RARB: variants seen among roughly 807,000 people sequenced by gnomAD.
The protein encoded by RARB is retinoic acid receptor beta.
Under a neutral mutation model 51.9 loss-of-function variants are expected in RARB, and 17 were observed. That is an observed-to-expected ratio of 0.33 (90% CI 0.22 to 0.49). The LOEUF (loss-of-function observed/expected upper bound fraction) is 0.49. RARB is among the 20% of genes least tolerant of loss of function. RARB has a pLI of 0.99. For missense variants in RARB, 369 were observed against 550.8 expected, an observed-to-expected ratio of 0.67 and a Z score of 3.30; for synonymous variants, 215 against 195.4, an observed-to-expected ratio of 1.10 and a Z score of -0.84.
intron 3 of RARB, among the ~76,000 whole-genome samples, chr3:25,526,321 C>T (rs1286757): frequency 0.52 from 79,639 of 151,980 alleles, 22,557 homozygotes; most frequent in African/African-American, 0.74. Flanking sequence ...TGTAGCCCAC[C>T]TGAAGGAGTT....
chr3:25,471,496 A>G (rs1695690885), intron 2 of RARB, among the ~76,000 whole-genome samples: 1 of 151,816 alleles, frequency 6.6e-6, no homozygotes, highest in Admixed American at 6.6e-5. Context: ...GGATTGAAAA[A>G]GCAGAAAAAT....
At chr3:25,329,899 G>A (rs1194044323) in intron 5 of RARB, among the ~76,000 whole-genome samples, 1 of 152,054 alleles carries the variant, frequency 6.6e-6, no homozygotes, top group Non-Finnish European at 1.5e-5. Flanking sequence ...TCAATCAAGT[G>A]GAAGAAAGGG....
rs149410458 is a variant in RARB at position 24,998,719 on chromosome 3, T to G, written c.-379-61406T>G. Reference sequence around the variant, plus strand: ...TCTTCTAGGGATTTTCCTTTTTTCTTTCTCAGAAACTCAGCTAGTTCTTAC... The same window carrying G: ...TCTTCTAGGGATTTTCCTTTTTTCTGTCTCAGAAACTCAGCTAGTTCTTAC... On this transcript the variant is annotated intron_variant, in intron 2 of 11. Coordinates refer to the RARB transcript ENST00000383772. Among the ~76,000 whole-genome samples the G allele has an allele frequency of 6.5e-3, 987 of 152,236 alleles. 9 individuals carry two copies. The highest frequency in any genetic ancestry group is 0.023 in the African/African-American group (944 of 41,522).
chr3:25,403,275 G>A (rs920004456), intron 5 of RARB, among the ~76,000 whole-genome samples: 1 of 151,942 alleles, frequency 6.6e-6, no homozygotes, highest in Admixed American at 6.6e-5. Flanking sequence ...TGGATTGTTT[G>A]TAACACTAAT....
rs764644437 is a variant in RARB at position 25,200,016 on chromosome 3, A to G, written c.178+25441A>G. Reference sequence around the variant, plus strand: ...TCTAGTTCTAGATCCCTGAGGAATCACCACACTGTCTTCCACAATGGTTGA... The same window carrying G: ...TCTAGTTCTAGATCCCTGAGGAATCGCCACACTGTCTTCCACAATGGTTGA... On this transcript the variant is annotated intron_variant, in intron 5 of 11. Transcript: ENST00000383772. Among the ~76,000 whole-genome samples, 141 of 152,156 alleles carry G rather than the reference A, an allele frequency of 9.3e-4. 2 individuals carry two copies. Among genetic ancestry groups the G allele is most frequent in the Non-Finnish European group, 3.4e-4 (23 of 68,022 alleles).
chr3:25,455,498 C>T (rs867227016), intron 1 of RARB, among the ~76,000 whole-genome samples: 1 of 152,200 alleles, frequency 6.6e-6, no homozygotes, highest in Admixed American at 6.5e-5. Flanking sequence ...GAAGGGGATT[C>T]TAGCTTTGTT....
At chr3:25,322,463 C>G (rs1459923016) in intron 5 of RARB, among the ~76,000 whole-genome samples, 1 of 152,080 alleles carries the variant, frequency 6.6e-6, no homozygotes, top group Non-Finnish European at 1.5e-5. Context: ...TTCTTACTGG[C>G]CAAGTACATT....
At chr3:25,382,635 CA>C (rs1313259935) in intron 5 of RARB, among the ~76,000 whole-genome samples, 2 of 152,204 alleles carry the variant, frequency 1.3e-5, no homozygotes, top group Admixed American at 1.3e-4. Flanking sequence ...GCAGGCGGAT[CA>C]CCTGAGGTCA....
Position 25,044,406 on chromosome 3 carries a change from C to G in RARB, c.-379-15719C>G, listed in dbSNP as rs1019097427. 1.2e-4 allele frequency among the ~76,000 whole-genome samples: 18 copies of G among 152,084 alleles called. 2 individuals are homozygous for G. The highest frequency in any genetic ancestry group is 7.2e-5 in the African/African-American group (3 of 41,398). ...GCACTCTACCAAATGTATCCAGACC[C>G]TTCATTAATATGTGTTAAATTGTTG... On this transcript the variant is annotated intron_variant, in intron 2 of 11. Coordinates refer to the RARB transcript ENST00000383772.
At position 25,597,349 on chromosome 3, in the gene RARB, T is replaced by C. The variant is rs534911648; in HGVS notation, c.*733T>C. On this transcript the variant is annotated 3_prime_UTR_variant, in exon 8 of 8. Transcript: ENST00000330688. The stretch of plus-strand genomic sequence containing the variant: ...AGTTAATCAAATGTCATTTGTTCAA[T>C]TGTTAATGTCACTTTAAATTAAAAG... 3.9e-5 allele frequency: 6 copies of C among 152,730 alleles called. No homozygotes were observed. The East Asian group carries it at 5.8e-4, about 15-fold the overall frequency. The allele number at this position is 152,730 out of a possible 1,614,324, so 9.5% of individuals were successfully genotyped here. A position where few individuals can be genotyped will look rare whatever the true frequency, so the allele number is the denominator to read the frequency against.
intron 2 of RARB, among the ~76,000 whole-genome samples, chr3:24,914,964 C>T (rs1695074550): frequency 6.6e-6 from 1 of 152,162 alleles, no homozygotes; most frequent in Admixed American, 6.5e-5. Context: ...CTTGACTTTG[C>T]AGGATGGACC....
intron 2 of RARB, among the ~76,000 whole-genome samples, chr3:25,007,274 G>C (rs992512952): frequency 1.3e-5 from 2 of 152,090 alleles, no homozygotes; most frequent in African/African-American, 2.4e-5. Flanking sequence ...CATCATTGAG[G>C]AGTACCTAAT....
intron 5 of RARB, among the ~76,000 whole-genome samples, chr3:25,390,146 G>A (rs1217282328): frequency 6.6e-6 from 1 of 152,138 alleles, no homozygotes; most frequent in Admixed American, 6.5e-5. Context: ...CTTTTAGGAG[G>A]TGTTTAGATT....
chr3:24,925,621 G>T (rs1262442761), intron 2 of RARB, among the ~76,000 whole-genome samples: 1 of 148,044 alleles, frequency 6.8e-6, no homozygotes, highest in African/African-American at 2.5e-5. Context: ...ACTCTGGCCT[G>T]GGTGACAGAG....
At chr3:25,160,924 T>C (rs148340221) in intron 4 of RARB, among the ~76,000 whole-genome samples, 25 of 152,248 alleles carry the variant, frequency 1.6e-4, no homozygotes, top group African/African-American at 6.0e-4. Flanking sequence ...TCCTCTTCTA[T>C]AATCAAATCT....
intron 5 of RARB, among the ~76,000 whole-genome samples, chr3:25,332,423 A>C (rs1179114415): frequency 6.6e-6 from 1 of 152,202 alleles, no homozygotes; most frequent in Non-Finnish European, 1.5e-5. Flanking sequence ...AATGACAAAA[A>C]CCACATGATT....
chr3:25,574,558 C>T (rs376488746), intron 4 of RARB, among the ~76,000 whole-genome samples: 6 of 152,206 alleles, frequency 3.9e-5, no homozygotes, highest in Admixed American at 6.5e-5. Flanking sequence ...CTGTCTGCTC[C>T]GGGCCGCCTC....
intron 2 of RARB, among the ~76,000 whole-genome samples, chr3:25,038,456 C>G (rs1474060937): frequency 6.6e-6 from 1 of 152,064 alleles, no homozygotes; most frequent in African/African-American, 2.4e-5. Context: ...TTAAATCTGA[C>G]TCATAAACTT....
Position 25,040,953 on chromosome 3 carries a change from A to C in RARB, c.-379-19172A>C, listed in dbSNP as rs1575131852. 2.0e-5 allele frequency among the ~76,000 whole-genome samples: 3 copies of C among 152,174 alleles called. No individual in the cohort carries two copies. In the East Asian group the frequency reaches 5.8e-4, roughly 29 times the overall value. ...TGGAATGTGAACTCTTTGAGGGCAA[A>C]AGTTTTTGGTTGCATCATTCATGCT... On this transcript the variant is annotated intron_variant, in intron 2 of 11. Coordinates refer to the RARB transcript ENST00000383772.
Sources: allele counts gnomAD v4.1 joint callset (sites outside exome capture counted in the v4.1 genomes callset), GRCh38; gene constraint gnomAD v4.1.1; transcripts MANE v1.5; gene names NCBI Gene and HGNC (gene_info 2026-07-23, HGNC 2026-07-21).